PLPP3: variants seen among roughly 807,000 people sequenced by gnomAD.
PLPP3 encodes PAP2 beta.
Under a neutral mutation model 29.6 loss-of-function variants are expected in PLPP3, and 6 were observed. The observed-to-expected ratio is 0.20, with a 90% CI of 0.11 to 0.40. The LOEUF is 0.40. PLPP3 is among the 10% of genes least tolerant of loss of function. PLPP3 has a pLI of 1.00. For missense variants in PLPP3, 308 were observed against 407.7 expected, an observed-to-expected ratio of 0.76 and a Z score of 2.11; for synonymous variants, 152 against 159.7, an observed-to-expected ratio of 0.95 and a Z score of 0.36.
chr1:56,523,673 C>A, intron 4 of PLPP3, 150 bp downstream of exon 4: 3 of 794,788 alleles, frequency 3.8e-6, no homozygotes, highest in Non-Finnish European at 6.2e-6. Context: ...GCAGTGGCAG[C>A]GCTCAGAATT....
chr1:56,513,933 T>G (rs1645763473), intron 4 of PLPP3, among the ~76,000 whole-genome samples: 1 of 152,008 alleles, frequency 6.6e-6, no homozygotes, highest in Admixed American at 6.6e-5. Flanking sequence ...AATTCAGAAG[T>G]TGATATGTAA....
chr1:56,562,275 T>G (rs1380776848), intron 1 of PLPP3, among the ~76,000 whole-genome samples: 1 of 151,958 alleles, frequency 6.6e-6, no homozygotes, highest in East Asian at 1.9e-4. Flanking sequence ...GATTCTGTAG[T>G]CAACAAGGGG....
Position 56,579,059 on chromosome 1 carries a change from C to T in PLPP3, c.-43G>A. Reference sequence around the variant, plus strand: ...GAGCCTCCCGCCCCGCGAAGACGTCCCGCAACAGCAGCCACACACCCAGGC... The same window carrying T: ...GAGCCTCCCGCCCCGCGAAGACGTCTCGCAACAGCAGCCACACACCCAGGC... On this transcript the variant is annotated 5_prime_UTR_variant, in exon 1 of 6. Transcript: ENST00000371250. 1 of 1,571,066 alleles carries T rather than the reference C, an allele frequency of 6.4e-7. No individual in the cohort carries two copies. Among genetic ancestry groups the T allele is most frequent in the South Asian group, 1.1e-5 (1 of 88,196 alleles).
At chr1:56,539,090 A>G (rs1429135336) in intron 1 of PLPP3, among the ~76,000 whole-genome samples, 1 of 152,080 alleles carries the variant, frequency 6.6e-6, no homozygotes, top group Non-Finnish European at 1.5e-5. Context: ...TGGAGGGAAC[A>G]GAGACTCAGA....
At chr1:56,571,245 T>G (rs1186510682) in intron 1 of PLPP3, among the ~76,000 whole-genome samples, 1 of 152,230 alleles carries the variant, frequency 6.6e-6, no homozygotes, top group African/African-American at 2.4e-5. Context: ...GATGTGGTGA[T>G]GATAATGACT....
At chr1:56,527,719 C>A (rs1312753242) in intron 2 of PLPP3, among the ~76,000 whole-genome samples, 1 of 152,074 alleles carries the variant, frequency 6.6e-6, no homozygotes, top group Non-Finnish European at 1.5e-5. Context: ...GACAACACAG[C>A]CATAAATCAT....
rs183227811 is a variant in PLPP3, at chr1:56,542,040, C to T, written c.140-4928G>A. On this transcript the variant is annotated intron_variant, in intron 1 of 5. Transcript: ENST00000371250. ...CCCAAGCATTTCTCCTTCCTTTAAT[C>T]AAGGATCAATTAACTTCATATACCT... is the stretch of plus-strand genomic sequence containing the variant. 1.6e-4 allele frequency among the ~76,000 whole-genome samples: 24 copies of T among 149,938 alleles called. 1 individual carries two copies. The highest frequency in any genetic ancestry group is 1.5e-3 in the Admixed American group (22 of 15,034).
intron 2 of PLPP3, among the ~76,000 whole-genome samples, chr1:56,533,037 G>T (rs969682555): frequency 6.6e-6 from 1 of 151,520 alleles, no homozygotes; most frequent in African/African-American, 2.4e-5. Context: ...CCGTCTTCCA[G>T]CAACCTATTA....
chr1:56,569,620 A>G (rs1308888846), intron 1 of PLPP3, among the ~76,000 whole-genome samples: 5 of 152,220 alleles, frequency 3.3e-5, no homozygotes, highest in Admixed American at 6.5e-5. Context: ...TAAAAATAAA[A>G]AGAAAAACAA....
At chr1:56,519,446 T>C (rs1645804179) in intron 4 of PLPP3, among the ~76,000 whole-genome samples, 1 of 152,160 alleles carries the variant, frequency 6.6e-6, no homozygotes, top group Non-Finnish European at 1.5e-5. Context: ...GCTGTAACCA[T>C]CTCCCCATTC....
chr1:56,543,966 A>G (rs1011228287), intron 1 of PLPP3, among the ~76,000 whole-genome samples: 2 of 152,166 alleles, frequency 1.3e-5, no homozygotes, highest in African/African-American at 4.8e-5. Flanking sequence ...ACAAACAAGT[A>G]TGGCTCTTTC....
Position 56,536,845 on chromosome 1 carries a change from G to A in PLPP3, c.297+110C>T, listed in dbSNP as rs1645930258. ...CCTTCTTGGCTAAATATAGGCCAGA[G>A]AAAGTTGGCTTCTACTTGGTATAAG... On this transcript the variant is annotated intron_variant, in intron 2 of 5. Transcript: ENST00000371250. 1.4e-5 allele frequency: 19 copies of A among 1,392,540 alleles called. No homozygotes were observed. The South Asian group carries it at 2.5e-4, about 19-fold the overall frequency. The allele number at this position is 1,392,540 out of a possible 1,614,324, so 86.3% of individuals were successfully genotyped here.
rs779254823 is a variant in PLPP3 at position 56,572,055 on chromosome 1, T to TTG, written c.139+6822_139+6823insCA. ...CCAATCATTTCTGGTTTTTTTTTTTTTTTTTTTTTTTTGAGACAGAGTCTC... is the reference window on the plus strand; with the variant it reads ...CCAATCATTTCTGGTTTTTTTTTTTTTGTTTTTTTTTTTTGAGACAGAGTCTC... On this transcript the variant is annotated intron_variant, in intron 1 of 5. Transcript: ENST00000371250. 2.5e-3 allele frequency among the ~76,000 whole-genome samples: 355 copies of TTG among 140,106 alleles called. 2 individuals carry two copies. Among genetic ancestry groups the TTG allele is most frequent in the Non-Finnish European group, 4.4e-3 (283 of 64,546 alleles). The allele number at this position is 140,106 out of a possible 152,430, so 91.9% of individuals were successfully genotyped here.
At chr1:56,519,692 G>A (rs1290812507) in intron 4 of PLPP3, among the ~76,000 whole-genome samples, 1 of 152,036 alleles carries the variant, frequency 6.6e-6, no homozygotes, top group Non-Finnish European at 1.5e-5. Context: ...CTGGGGTTCA[G>A]GCCAGGGCTC....
intron 5 of PLPP3, among the ~76,000 whole-genome samples, chr1:56,502,573 C>G: frequency 6.6e-6 from 1 of 152,210 alleles, no homozygotes; most frequent in African/African-American, 2.4e-5. Context: ...TGGAGATGAA[C>G]AGATGGGCTC....
intron 5 of PLPP3, among the ~76,000 whole-genome samples, chr1:56,502,048 T>C (rs1645671516): frequency 2.0e-5 from 3 of 152,238 alleles, no homozygotes; most frequent in African/African-American, 7.2e-5. Context: ...AGTCCAGCCC[T>C]GCTGGGGTGC....
intron 1 of PLPP3, among the ~76,000 whole-genome samples, chr1:56,577,976 C>T (rs963785798): frequency 6.6e-6 from 1 of 152,052 alleles, no homozygotes; most frequent in Non-Finnish European, 1.5e-5. Flanking sequence ...CCTGTTCATT[C>T]TTGTGAAGCG....
At chr1:56,506,066 G>C (rs760110313) in intron 5 of PLPP3, among the ~76,000 whole-genome samples, 2 of 152,180 alleles carry the variant, frequency 1.3e-5, no homozygotes, top group Non-Finnish European at 2.9e-5. Flanking sequence ...ACTTCTGCAG[G>C]GCCAGAAGAG....
rs190213606 is a variant in PLPP3, at chr1:56,506,515, T to C, written c.810+5461A>G. ...AGAGGAAAACCAGGAAAGACTCTGC[T>C]GTGTATTTACGAAATCCATGAGCAG... On this transcript the variant is annotated intron_variant, in intron 5 of 5. Coordinates refer to ENST00000371250, the MANE Select transcript of PLPP3 (RefSeq NM_003713.5). Among the ~76,000 whole-genome samples, 127 of 152,288 alleles carry C rather than the reference T, an allele frequency of 8.3e-4. 1 individual carries two copies. Among genetic ancestry groups the C allele is most frequent in the African/African-American group, 2.9e-3 (122 of 41,560 alleles).
Sources: gnomAD v4.1 joint callset for allele counts (sites outside exome capture counted in the v4.1 genomes callset) on GRCh38, gnomAD v4.1.1 for gene constraint, MANE v1.5 for transcripts, NCBI Gene and HGNC (gene_info 2026-07-23, HGNC 2026-07-21) for gene names.